Variants in DAPK2 observed in about 807,000 individuals in gnomAD.
DAPK2 encodes death-associated protein kinase 2.
Under a neutral mutation model 44.1 loss-of-function variants are expected in DAPK2, and 35 were observed. The observed-to-expected ratio is 0.79, with a 90% CI of 0.61 to 1.05. The LOEUF is 1.05. DAPK2 is among the 50% of genes least tolerant of loss of function. DAPK2 has a pLI of 0.00. For synonymous variants in DAPK2, 174 were observed against 182.6 expected, an observed-to-expected ratio of 0.95 and a Z score of 0.38; for missense variants, 453 against 483.2, an observed-to-expected ratio of 0.94 and a Z score of 0.59.
Position 63,912,124 on chromosome 15 carries a change from A to G in DAPK2, c.932T>C (p.Val311Ala). The G allele has an allele frequency of 1.4e-6, 2 of 1,470,532 alleles. No homozygotes were observed. Among genetic ancestry groups the G allele is most frequent in the Non-Finnish European group, 1.8e-6 (2 of 1,094,036 alleles). 91.1% of individuals were successfully genotyped at this position (1,470,532 alleles called of 1,614,324 possible). ...TGGACACACCTTCCACCGCCTGCGGACATACTGCTTCCTGAAGTTCTCCAG... is the reference window on the plus strand; with the variant it reads ...TGGACACACCTTCCACCGCCTGCGGGCATACTGCTTCCTGAAGTTCTCCAG... Residue 311 changes from valine to alanine, a missense_variant, in exon 9 of 11, where the codon GTC (valine) becomes GCC (alanine). Val to Ala is a moderately conservative substitution (Grantham distance 64). Coordinates refer to ENST00000261891, the Ensembl canonical transcript of DAPK2. The surrounding 1 kb of genome is among the most constrained non-coding windows in gnomAD (Gnocchi z 4.4).
At chr15:63,968,603 C>A (rs192126548) in intron 3 of DAPK2, among the ~76,000 whole-genome samples, 2 of 152,322 alleles carry the variant, frequency 1.3e-5, no homozygotes, top group East Asian at 3.8e-4. Flanking sequence ...AGGGGAATAA[C>A]AATAACAGCT....
intron 2 of DAPK2, among the ~76,000 whole-genome samples, chr15:63,983,066 G>T (rs1401290643): frequency 1.3e-5 from 2 of 152,128 alleles, no homozygotes; most frequent in African/African-American, 4.8e-5. Context: ...CAAATGCAGT[G>T]GACTTTCCCC....
chr15:63,988,887 A>G (rs978266122), intron 1 of DAPK2, among the ~76,000 whole-genome samples: 1 of 151,922 alleles, frequency 6.6e-6, no homozygotes, highest in Non-Finnish European at 1.5e-5. Context: ...CATTTCACAG[A>G]TAAGAAAACT....
At position 63,990,399 on chromosome 15, in the gene DAPK2, G is replaced by A. The variant is rs2078785715; in HGVS notation, c.93-6645C>T. ...GCTGAGATCGCACCGCTGCACTCCAGCCTGGGTGACAGAGCAAGACTCCAT... is the reference window on the plus strand; with the variant it reads ...GCTGAGATCGCACCGCTGCACTCCAACCTGGGTGACAGAGCAAGACTCCAT... On this transcript the variant is annotated intron_variant, in intron 1 of 10. Transcript: ENST00000261891. The surrounding 1 kb of genome is among the most constrained non-coding windows in gnomAD (Gnocchi z 4.3). 6.7e-6 allele frequency among the ~76,000 whole-genome samples: 1 copy of A among 149,308 alleles called. No individual in the cohort carries two copies. The highest frequency in any genetic ancestry group is 1.5e-5 in the Non-Finnish European group (1 of 67,680).
intron 3 of DAPK2, among the ~76,000 whole-genome samples, chr15:63,958,833 G>A (rs2077803406): frequency 6.6e-6 from 1 of 152,220 alleles, no homozygotes; most frequent in East Asian, 1.9e-4. Context: ...TCTTGACAAT[G>A]TGGGGTCTTT....
intron 1 of DAPK2, among the ~76,000 whole-genome samples, chr15:64,031,034 T>C (rs758973377): frequency 2.0e-4 from 30 of 150,114 alleles, no homozygotes; most frequent in Non-Finnish European, 3.5e-4. Context: ...CATAGTATAA[T>C]AGAAACAGTA....
chr15:63,997,682 A>G (rs1244708142), intron 1 of DAPK2, among the ~76,000 whole-genome samples: 2 of 152,116 alleles, frequency 1.3e-5, no homozygotes, highest in African/African-American at 4.8e-5. Context: ...TCTTTCCTCT[A>G]GAAAACCCAC....
chr15:63,928,863 C>T (rs2079404394), intron 6 of DAPK2, among the ~76,000 whole-genome samples: 1 of 152,036 alleles, frequency 6.6e-6, no homozygotes, highest in Admixed American at 6.6e-5. Flanking sequence ...AAAGAAGAGG[C>T]AAGATTGGGG....
chr15:64,045,104 A>G (rs564982293), upstream of DAPK2, among the ~76,000 whole-genome samples: 5 of 152,186 alleles, frequency 3.3e-5, no homozygotes, highest in East Asian at 7.7e-4. Flanking sequence ...CTGCTTGTTC[A>G]CCCCACAGCT....
chr15:64,000,525 A>G (rs1474479515), intron 1 of DAPK2, among the ~76,000 whole-genome samples: 1 of 152,196 alleles, frequency 6.6e-6, no homozygotes, highest in Non-Finnish European at 1.5e-5. Context: ...ACAAAAATGC[A>G]ACTAACAGCT....
intron 1 of DAPK2, among the ~76,000 whole-genome samples, chr15:64,035,167 C>CA (rs34936207): frequency 0.21 from 29,058 of 137,230 alleles, 2,839 homozygotes; most frequent in South Asian, 0.26. Flanking sequence ...GGCTCCATCT[C>CA]AAAAAAAAAA....
chr15:63,922,640 C>T, intron 8 of DAPK2: 1 of 1,440,912 alleles, frequency 6.9e-7, no homozygotes, highest in Non-Finnish European at 9.1e-7. Flanking sequence ...GACACACACC[C>T]CTGCAGGATA....
chr15:63,980,289 C>T lies in DAPK2; in HGVS notation c.314+3244G>A, dbSNP rs190071589. ...CAAGAGCATTTACCTGCCACATCCCCGCCACCGACTCCTAGGGTTCTACAA... is the reference window on the plus strand; with the variant it reads ...CAAGAGCATTTACCTGCCACATCCCTGCCACCGACTCCTAGGGTTCTACAA... On this transcript the variant is annotated intron_variant, in intron 2 of 10. Coordinates refer to ENST00000261891, the Ensembl canonical transcript of DAPK2. The surrounding 1 kb of genome is among the most constrained non-coding windows in gnomAD (Gnocchi z 4.3). 4.6e-5 allele frequency among the ~76,000 whole-genome samples: 7 copies of T among 152,300 alleles called. No individual in the cohort carries two copies. In the East Asian group the frequency reaches 1.2e-3, roughly 25 times the overall value.
intron 3 of DAPK2, among the ~76,000 whole-genome samples, chr15:63,970,473 TC>T (rs1162412271): frequency 2.6e-5 from 4 of 152,172 alleles, no homozygotes; most frequent in Non-Finnish European, 5.9e-5. Flanking sequence ...AGATGTCCCC[TC>T]CTTTAGCCTC....
intron 3 of DAPK2, among the ~76,000 whole-genome samples, chr15:63,959,401 A>G (rs2077821562): frequency 6.6e-6 from 1 of 152,094 alleles, no homozygotes; most frequent in Non-Finnish European, 1.5e-5. Flanking sequence ...GTTGAATAGG[A>G]GTGGTGAGAG....
intron 3 of DAPK2, among the ~76,000 whole-genome samples, chr15:63,949,882 T>C (rs2077542686): frequency 6.6e-6 from 1 of 152,238 alleles, no homozygotes; most frequent in Non-Finnish European, 1.5e-5. Flanking sequence ...GAATGTTGAA[T>C]GTAAGGAGAG....
chr15:63,964,957 T>C (rs1365354930), intron 3 of DAPK2, among the ~76,000 whole-genome samples: 2 of 152,206 alleles, frequency 1.3e-5, no homozygotes, highest in African/African-American at 4.8e-5. Context: ...TGGTGCCTTA[T>C]TTAGTTCATT....
intron 1 of DAPK2, among the ~76,000 whole-genome samples, chr15:64,010,183 G>A (rs757519550): frequency 6.6e-6 from 1 of 152,156 alleles, no homozygotes; most frequent in Non-Finnish European, 1.5e-5. Context: ...AACTCTGGGG[G>A]TGGGGCCCAG....
At chr15:64,023,589 T>C (rs1040028364) in intron 1 of DAPK2, among the ~76,000 whole-genome samples, 7 of 152,202 alleles carry the variant, frequency 4.6e-5, no homozygotes, top group Non-Finnish European at 7.3e-5. Context: ...AAGTACCATT[T>C]TGAAGAACTG....
Sources: allele counts gnomAD v4.1 joint callset (sites outside exome capture counted in the v4.1 genomes callset), GRCh38; gene constraint gnomAD v4.1.1; non-coding constraint Gnocchi (gnomAD v3.1); transcripts MANE v1.5; gene names NCBI Gene and HGNC (gene_info 2026-07-23, HGNC 2026-07-21).